The following MGST2 variants were observed in gnomAD, a reference collection of about 807,000 sequenced individuals.
MGST2 encodes the protein microsomal glutathione S-transferase 2.
MGST2 carries 9 observed loss-of-function variants against 16.6 expected under a neutral mutation model. That is an observed-to-expected ratio of 0.54 (90% CI 0.33 to 0.95). The LOEUF (loss-of-function observed/expected upper bound fraction) is 0.95. Ranked by LOEUF, MGST2 falls within the 40% of genes least tolerant of loss-of-function variation. The probability of loss-of-function intolerance (pLI) is 0.03; values close to 1 mark genes in which losing one functional copy is unlikely to be tolerated. For missense variants in MGST2, 159 were observed against 175.1 expected (o/e 0.91, Z 0.52); for synonymous variants, 79 against 68.0 (o/e 1.16, Z -0.79).
chr4:139,719,304 A>C, intron 5 of MGST2: 1 of 1,547,232 alleles, frequency 6.5e-7, no homozygotes. Flanking sequence ...CGAGTTGTGG[A>C]TCTTGGGGCC....
chr4:139,743,005 GATATCCCCTCAA>G (rs2111026903), downstream of MGST2, among the ~76,000 whole-genome samples: 1 of 152,210 alleles, frequency 6.6e-6, no homozygotes, highest in Non-Finnish European at 1.5e-5. Flanking sequence ...TCCTTACCAT[GATATCCCCTCAA>G]ATGCCCACTA....
chr4:139,698,282 A>G (rs1244201335), intron 3 of MGST2: 21 of 1,232,144 alleles, frequency 1.7e-5, no homozygotes, highest in African/African-American at 1.0e-4. Context: ...CCTGCAAAGC[A>G]CCGATAGCTG....
the MGST2 span, among the ~76,000 whole-genome samples, chr4:139,751,226 A>G: frequency 6.6e-6 from 1 of 152,248 alleles, no homozygotes; most frequent in African/African-American, 2.4e-5. Context: ...GGAGACTACT[A>G]TGATACTTAA....
At chr4:139,679,095 A>ACC in intron 2 of MGST2, 1 of 181,284 alleles carries the variant, frequency 5.5e-6, no homozygotes, top group South Asian at 1.2e-4. Context: ...AACCTGTAAG[A>ACC]ATGAGAAAGC....
the MGST2 span, among the ~76,000 whole-genome samples, chr4:139,747,926 T>C: frequency 5.4e-4 from 81 of 151,286 alleles, no homozygotes; most frequent in Non-Finnish European, 1.0e-3. Context: ...TGGTGGTGGA[T>C]GCCTATAATC....
chr4:139,719,350 C>T, intron 5 of MGST2: 4 of 1,601,556 alleles, frequency 2.5e-6, no homozygotes, highest in Non-Finnish European at 2.6e-6. Flanking sequence ...ATTCATCAAG[C>T]TCCTGCATCC....
intron 2 of MGST2, among the ~76,000 whole-genome samples, chr4:139,690,409 G>A (rs956959749): frequency 1.3e-5 from 2 of 152,098 alleles, no homozygotes; most frequent in Non-Finnish European, 2.9e-5. Context: ...CCAAAGGCCC[G>A]GGATTACAGG....
intron 5 of MGST2, among the ~76,000 whole-genome samples, chr4:139,723,559 G>A (rs367882149): frequency 2.7e-4 from 41 of 152,224 alleles, no homozygotes; most frequent in Admixed American, 1.2e-3. Context: ...TGAACTGCCC[G>A]CCTCGGCCTC....
rs368902201 is a variant in MGST2, at chr4:139,730,818, G to A, written c.*49-9394G>A. On this transcript the variant is annotated intron_variant, in intron 5 of 5. Coordinates refer to the MGST2 transcript ENST00000616265. ...TGGCACGCATTGCATTTCCATAAACGTAGCTTCAAACCCGACCTTACCTGA... is the reference window on the plus strand; with the variant it reads ...TGGCACGCATTGCATTTCCATAAACATAGCTTCAAACCCGACCTTACCTGA... The A allele has an allele frequency of 2.6e-5, 18 of 688,448 alleles. No individual in the cohort carries two copies. In the South Asian group the frequency reaches 2.7e-4, roughly 10 times the overall value. 42.6% of individuals were successfully genotyped at this position (688,448 alleles called of 1,614,324 possible). A position where few individuals can be genotyped will look rare whatever the true frequency, so the allele number is the denominator to read the frequency against.
At chr4:139,745,034 C>T (rs546088712), downstream of MGST2, among the ~76,000 whole-genome samples, 2 of 152,226 alleles carry the variant, frequency 1.3e-5, no homozygotes, top group African/African-American at 4.8e-5. Flanking sequence ...TTTCTACTCG[C>T]TCTAACATTT....
downstream of MGST2, among the ~76,000 whole-genome samples, chr4:139,743,031 C>A (rs1264313404): frequency 2.6e-5 from 4 of 152,208 alleles, no homozygotes; most frequent in Non-Finnish European, 5.9e-5. Context: ...CCCACTACCA[C>A]CCCCTCATTT....
chr4:139,700,778 C>G (rs888475513), intron 3 of MGST2, among the ~76,000 whole-genome samples: 2 of 152,204 alleles, frequency 1.3e-5, no homozygotes, highest in African/African-American at 2.4e-5. Context: ...TTTCTCCAAA[C>G]TTGGCTTATG....
At chr4:139,686,266 T>C (rs1363107108) in intron 2 of MGST2, among the ~76,000 whole-genome samples, 1 of 152,170 alleles carries the variant, frequency 6.6e-6, no homozygotes, top group Non-Finnish European at 1.5e-5. Context: ...GAAGGGAATG[T>C]CTGGGTTAAG....
At chr4:139,743,616 G>A (rs557513815), downstream of MGST2, among the ~76,000 whole-genome samples, 1 of 152,138 alleles carries the variant, frequency 6.6e-6, no homozygotes, top group Non-Finnish European at 1.5e-5. Flanking sequence ...TGACAAACCT[G>A]GAAACTGAAC....
chr4:139,723,831 T>C (rs1728358608), intron 5 of MGST2, among the ~76,000 whole-genome samples: 1 of 152,230 alleles, frequency 6.6e-6, no homozygotes, highest in Non-Finnish European at 1.5e-5. Context: ...CGTGGTTCCC[T>C]AGCTAGCAAA....
intron 1 of MGST2, among the ~76,000 whole-genome samples, chr4:139,675,509 C>G (rs1280868534): frequency 6.6e-6 from 1 of 152,194 alleles, no homozygotes; most frequent in Admixed American, 6.5e-5. Context: ...TGTTTTATAA[C>G]AGGGAAACGT....
At position 139,703,494 on chromosome 4, in the gene MGST2, G is replaced by A. The variant is rs146215505; in HGVS notation, c.269G>A (p.Arg90His). Residue 90 changes from arginine (R) to histidine (H), a missense_variant, in exon 4 of 5, where the codon CGT (arginine) becomes CAT (histidine). Physicochemically the swap from Arg to His is conservative, Grantham distance 29. Transcript: ENST00000265498. ...TCLGLVYIYG[R>H]HLYFWGYSEA... ...CTGGGTCTGGTGTACATATATGGCC[G>A]TCACCTATACTTCTGGGGATATTCA... 132 of 1,613,692 alleles carry A rather than the reference G, an allele frequency of 8.2e-5. No homozygotes were observed. Among genetic ancestry groups the A allele is most frequent in the Middle Eastern group, 1.7e-4 (1 of 6,058 alleles).
In MGST2 at chr4:139,719,268, T is replaced by G. The variant is rs188325126; in HGVS notation, c.*48+15072T>G. The G allele has an allele frequency of 1.9e-4, 288 of 1,511,472 alleles. No homozygotes were observed. The East Asian group carries it at 5.9e-3, about 31-fold the overall frequency. The allele number at this position is 1,511,472 out of a possible 1,614,324, so 93.6% of individuals were successfully genotyped here. A position where few individuals can be genotyped will look rare whatever the true frequency, so the allele number is the denominator to read the frequency against. On this transcript the variant is annotated intron_variant, in intron 5 of 5. Coordinates refer to the MGST2 transcript ENST00000616265. ...AAGGATGGGTCAACATCCTGTTTCT[T>G]TTTCACTTTTTAAGCTTTAACCACT...
chr4:139,667,331 C>A (rs1730419279), intron 1 of MGST2, among the ~76,000 whole-genome samples: 1 of 152,148 alleles, frequency 6.6e-6, no homozygotes, highest in Non-Finnish European at 1.5e-5. Context: ...CTGTTGGTAG[C>A]ATCCTGACTC....
Sources: gnomAD v4.1 joint callset for allele counts (sites outside exome capture counted in the v4.1 genomes callset) on GRCh38, gnomAD v4.1.1 for gene constraint, MANE v1.5 for transcripts, NCBI Gene and HGNC (gene_info 2026-07-23, HGNC 2026-07-21) for gene names.